Variants in AACS observed in about 807,000 individuals in gnomAD.
AACS encodes the protein acetoacetate-CoA ligase.
A neutral mutation model predicts 83.1 loss-of-function variants in AACS; 69 were observed. The ratio of observed to expected loss-of-function variants is 0.83; its 90% confidence interval spans 0.68 to 1.01. The LOEUF (loss-of-function observed/expected upper bound fraction) is 1.01, where lower values mean the gene tolerates loss of function less well. AACS is among the 50% of genes least tolerant of loss of function. The pLI is 0.00. For missense variants in AACS, 866 were observed against 882.2 expected (o/e 0.98, Z 0.23); for synonymous variants, 333 against 343.4 (o/e 0.97, Z 0.33).
At position 125,142,891 on chromosome 12, in the gene AACS, C is replaced by T. The variant is rs1228959823; in HGVS notation, c.*662C>T. 1 of 152,354 alleles carries T rather than the reference C, an allele frequency of 6.6e-6. No homozygotes were observed. Among genetic ancestry groups the T allele is most frequent in the African/African-American group, 2.4e-5 (1 of 41,464 alleles). 9.4% of individuals were successfully genotyped at this position (152,354 alleles called of 1,614,324 possible). A position where few individuals can be genotyped will look rare whatever the true frequency, so the allele number is the denominator to read the frequency against. The stretch of plus-strand genomic sequence containing the variant: ...ATACAGGATCTCTTTATTGCACAGA[C>T]TGAATGGCTTTACATGTTTCTAATG... On this transcript the variant is annotated 3_prime_UTR_variant, in exon 18 of 18. Transcript: ENST00000316519.
intron 8 of AACS, among the ~76,000 whole-genome samples, chr12:125,112,452 G>A: frequency 6.6e-6 from 1 of 152,040 alleles, no homozygotes; most frequent in East Asian, 1.9e-4. Context: ...AGGCCAAGGT[G>A]GGCAGATCAC....
At position 125,097,919 on chromosome 12, in the gene AACS, C is replaced by T. The variant is rs1441302800; in HGVS notation, c.571-4760C>T. Among the ~76,000 whole-genome samples the T allele has an allele frequency of 6.6e-6, 1 of 152,232 alleles. No individual in the cohort carries two copies. Among genetic ancestry groups the T allele is most frequent in the Non-Finnish European group, 1.5e-5 (1 of 68,050 alleles). ...TCATACGTTTGATTGAGCGGTTCCT[C>T]GGTTCCTCTGTGACCCCGGCTAGGC... On this transcript the variant is annotated intron_variant, in intron 5 of 17. Transcript: ENST00000316519. The surrounding 1 kb of genome is among the most constrained non-coding windows in gnomAD (Gnocchi z 4.3).
chr12:125,072,852 T>C (rs139466631), intron 1 of AACS, among the ~76,000 whole-genome samples: 133 of 150,574 alleles, frequency 8.8e-4, no homozygotes, highest in African/African-American at 3.2e-3. Context: ...AAGGGGGAAC[T>C]CCCCTGGGCA....
At chr12:125,086,485 C>G in intron 4 of AACS, 42 bp downstream of exon 4, 1 of 1,575,770 alleles carries the variant, frequency 6.3e-7, no homozygotes, top group Non-Finnish European at 8.7e-7. Context: ...GGGAGGAGAC[C>G]AAGGTAGAAT....
chr12:125,115,418 G>A (rs1283453840), intron 9 of AACS, among the ~76,000 whole-genome samples: 2 of 152,020 alleles, frequency 1.3e-5, no homozygotes, highest in East Asian at 1.9e-4. Flanking sequence ...GCACCACCAC[G>A]CCCAGCTAAT....
rs770007056 is a variant in AACS at position 125,094,583 on chromosome 12, C to T, written c.570+3060C>T. ...GAGTGCTGGGGCATCCGTCTTTACT[C>T]GATGACACTGGGGGAACGCGTTTCT... On this transcript the variant is annotated intron_variant, in intron 5 of 17. Transcript: ENST00000316519. The surrounding 1 kb of genome is among the most constrained non-coding windows in gnomAD (Gnocchi z 4.1). 1.3e-5 allele frequency among the ~76,000 whole-genome samples: 2 copies of T among 152,138 alleles called. No homozygotes were observed. The highest frequency in any genetic ancestry group is 2.4e-5 in the African/African-American group (1 of 41,418).
At chr12:125,139,083 G>C (rs1957441073) in intron 17 of AACS, 1 of 152,162 alleles carries the variant, frequency 6.6e-6, no homozygotes, top group Admixed American at 6.5e-5. Flanking sequence ...GCGCATCTCT[G>C]TCTCTGTGTG....
chr12:125,099,756 A>AGAT (rs1163428430), intron 5 of AACS, among the ~76,000 whole-genome samples: 7 of 152,116 alleles, frequency 4.6e-5, no homozygotes, highest in Non-Finnish European at 1.0e-4. Context: ...GCTCACTGCA[A>AGAT]CCTCTGCCTC....
chr12:125,104,469 C>A (rs753864751), intron 7 of AACS, among the ~76,000 whole-genome samples: 1 of 152,180 alleles, frequency 6.6e-6, no homozygotes, highest in Non-Finnish European at 1.5e-5. Context: ...GTGAGACCCA[C>A]CTGCAGGGAG....
chr12:125,091,745 G>A (rs1956491196), intron 5 of AACS, among the ~76,000 whole-genome samples: 1 of 152,114 alleles, frequency 6.6e-6, no homozygotes, highest in African/African-American at 2.4e-5. Context: ...CGTGTTCATC[G>A]AAGACGTGGG....
In AACS at chr12:125,102,752, A is replaced by G. The variant is rs755979712; in HGVS notation, c.644A>G (p.Lys215Arg). 6.6e-5 allele frequency: 106 copies of G among 1,614,038 alleles called. No homozygotes were observed. The highest frequency in any genetic ancestry group is 3.3e-4 in the Middle Eastern group (2 of 6,084). Reference sequence around the variant, plus strand: ...GTGGAGGCTGTTGTCTATAATGGCAAAGAGCACAACCACATGGAAAAGCTG... The same window carrying G: ...GTGGAGGCTGTTGTCTATAATGGCAGAGAGCACAACCACATGGAAAAGCTG... Reference protein sequence around the residue: ...FSVEAVVYNGKEHNHMEKLQQ... With the variant: ...FSVEAVVYNGREHNHMEKLQQ... The change falls in exon 6 of 18, where the codon AAA (lysine) becomes AGA (arginine). Residue 215 changes from lysine to arginine, a missense_variant. Lys to Arg is a conservative substitution (Grantham distance 26). Transcript: ENST00000316519.
chr12:125,134,832 G>T lies in AACS; in HGVS notation c.1658G>T (p.Ser553Ile). ...TLNPNGVRFG[S>I]SEIYNIVESF... is the part of the protein sequence containing the mutation. ...AACCCCAACGGGGTGCGGTTCGGCA[G>T]CTCGGAAATCTATAACATTGGTACG... is the stretch of plus-strand genomic sequence containing the variant. Residue 553 changes from serine (S) to isoleucine (I), a missense_variant, in exon 16 of 18, where the codon AGC (serine) becomes ATC (isoleucine). Ser to Ile is a moderately radical substitution (Grantham distance 142). Transcript: ENST00000316519. 6.2e-7 allele frequency: 1 copy of T among 1,614,162 alleles called. No homozygotes were observed. The highest frequency in any genetic ancestry group is 8.5e-7 in the Non-Finnish European group (1 of 1,180,030).
intron 1 of AACS, among the ~76,000 whole-genome samples, chr12:125,066,151 C>G (rs73421854): frequency 0.013 from 2,001 of 152,280 alleles, 47 homozygotes; most frequent in African/African-American, 0.046. Flanking sequence ...GCCGTGCACT[C>G]TGTCCCCCTG....
chr12:125,114,297 G>A (rs1957010761), intron 8 of AACS, 180 bp from the exon 9 acceptor site: 2 of 512,874 alleles, frequency 3.9e-6, no homozygotes, highest in African/African-American at 2.0e-5. Flanking sequence ...GGACATGGGG[G>A]CATGGCTCAT....
intron 8 of AACS, among the ~76,000 whole-genome samples, chr12:125,114,094 C>G (rs747221986): frequency 6.7e-6 from 1 of 150,290 alleles, no homozygotes; most frequent in African/African-American, 2.4e-5. Flanking sequence ...GGCTAGCACC[C>G]GTCCTGGAAG....
intron 5 of AACS, among the ~76,000 whole-genome samples, chr12:125,096,470 A>G (rs1237195369): frequency 1.3e-5 from 2 of 152,206 alleles, no homozygotes; most frequent in African/African-American, 4.8e-5. Flanking sequence ...GCCACAGCCA[A>G]GGTCTGGACA....
chr12:125,069,007 T>C (rs932978660), intron 1 of AACS, among the ~76,000 whole-genome samples: 75 of 152,080 alleles, frequency 4.9e-4, no homozygotes, highest in African/African-American at 1.6e-3. Flanking sequence ...GCCCGGCTAA[T>C]TTTTTTGTAT....
chr12:125,105,431 G>T (rs968554558), intron 7 of AACS: 3 of 152,216 alleles, frequency 2.0e-5, no homozygotes, highest in African/African-American at 7.2e-5. Flanking sequence ...ATAACCAGGT[G>T]CCAGAGCGCT....
chr12:125,102,068 T>TAAA (rs36095424), intron 5 of AACS: 16 of 142,922 alleles, frequency 1.1e-4, no homozygotes, highest in African/African-American at 3.2e-4. Flanking sequence ...CTTGCCTTTT[T>TAAA]AAAAAAAAAA....
Sources: allele counts gnomAD v4.1 joint callset (sites outside exome capture counted in the v4.1 genomes callset), GRCh38; gene constraint gnomAD v4.1.1; non-coding constraint Gnocchi (gnomAD v3.1); transcripts MANE v1.5; gene names NCBI Gene and HGNC (gene_info 2026-07-23, HGNC 2026-07-21).